NAV2: variants seen among roughly 807,000 people sequenced by gnomAD.
NAV2 encodes the protein helicase, APC down-regulated 1.
In NAV2, 54 loss-of-function variants were observed where a neutral mutation model predicts 223.2. That is an observed-to-expected ratio of 0.24 (90% CI 0.19 to 0.30). The LOEUF is 0.30. Ranked by LOEUF, NAV2 falls within the 10% of genes least tolerant of loss-of-function variation. The pLI, the probability that NAV2 is intolerant of heterozygous loss-of-function variation, is 1.00. For missense variants in NAV2, 2,806 were observed against 3,147.5 expected, an observed-to-expected ratio of 0.89 and a Z score of 2.60; for synonymous variants, 1,279 against 1,239.3, an observed-to-expected ratio of 1.03 and a Z score of -0.67.
chr11:19,861,533 A>T (rs190022010), intron 3 of NAV2, among the ~76,000 whole-genome samples: 40 of 152,334 alleles, frequency 2.6e-4, no homozygotes, highest in African/African-American at 9.1e-4. Context: ...GTCTAATGAC[A>T]ACCACCACCC....
rs2133669618 is a variant in NAV2 at position 19,438,399 on chromosome 11, A to T, written c.75+87372A>T. On this transcript the variant is annotated intron_variant, in intron 1 of 37. Transcript: ENST00000360655. ...AGCCCTATTCTCAAATCTTGTCTTT[A>T]GCCCTTGTCACCTGTGCAATCCTGG... Among the ~76,000 whole-genome samples, 3 of 152,348 alleles carry T rather than the reference A, an allele frequency of 2.0e-5. No individual in the cohort carries two copies. In the Middle Eastern group the frequency reaches 0.01, roughly 518 times the overall value.
intron 1 of NAV2, among the ~76,000 whole-genome samples, chr11:19,679,957 A>G (rs1044934716): frequency 4.6e-5 from 7 of 152,240 alleles, no homozygotes; most frequent in African/African-American, 1.7e-4. Context: ...ATTGGGCACA[A>G]GAGAGGCCAG....
intron 3 of NAV2, among the ~76,000 whole-genome samples, chr11:19,868,055 G>T (rs2062204067): frequency 6.6e-6 from 1 of 152,168 alleles, no homozygotes; most frequent in Non-Finnish European, 1.5e-5. Context: ...TGAGTTCATA[G>T]GAATGTTGAC....
intron 1 of NAV2, among the ~76,000 whole-genome samples, chr11:19,520,836 G>A (rs1460610440): frequency 6.6e-6 from 1 of 152,240 alleles, no homozygotes; most frequent in East Asian, 1.9e-4. Flanking sequence ...ACTCACAGGA[G>A]GCAGGGGCGT....
intron 1 of NAV2, among the ~76,000 whole-genome samples, chr11:19,581,737 T>C (rs969092626): frequency 1.3e-5 from 2 of 152,238 alleles, no homozygotes; most frequent in African/African-American, 4.8e-5. Flanking sequence ...GGTGTATATG[T>C]GCCACATTTT....
chr11:19,473,925 G>T (rs184585195), intron 1 of NAV2, among the ~76,000 whole-genome samples: 11 of 152,266 alleles, frequency 7.2e-5, no homozygotes, highest in Admixed American at 4.6e-4. Flanking sequence ...TGACCTCCTT[G>T]GCTGAATTTG....
intron 1 of NAV2, among the ~76,000 whole-genome samples, chr11:19,797,732 C>T (rs929418714): frequency 2.6e-5 from 4 of 152,142 alleles, no homozygotes; most frequent in Admixed American, 1.3e-4. Context: ...TACTCTGCCA[C>T]TCTGTGTGGG....
intron 1 of NAV2, among the ~76,000 whole-genome samples, chr11:19,602,819 C>T (rs1403864597): frequency 1.1e-5 from 1 of 94,268 alleles, no homozygotes; most frequent in Non-Finnish European, 2.1e-5. Context: ...CCACCCTAAT[C>T]TAGGATAATC....
intron 11 of NAV2, chr11:20,027,466 A>G: frequency 4.1e-6 from 4 of 985,440 alleles, no homozygotes; most frequent in Non-Finnish European, 4.8e-6. Flanking sequence ...AAAATTGAGC[A>G]GGTAAGTCCT....
intron 1 of NAV2, among the ~76,000 whole-genome samples, chr11:19,556,705 T>C (rs1028913361): frequency 6.6e-6 from 1 of 152,216 alleles, no homozygotes; most frequent in African/African-American, 2.4e-5. Flanking sequence ...ACTATACCTA[T>C]AAGGTAGTGA....
chr11:19,603,948 A>G (rs1391084371), intron 1 of NAV2, among the ~76,000 whole-genome samples: 2 of 152,036 alleles, frequency 1.3e-5, no homozygotes, highest in African/African-American at 4.8e-5. Flanking sequence ...GGGCAGAGGG[A>G]ATGGCATGTG....
intron 3 of NAV2, among the ~76,000 whole-genome samples, chr11:19,848,676 C>T (rs541276491): frequency 1.6e-4 from 25 of 152,274 alleles, no homozygotes; most frequent in African/African-American, 2.9e-4. Context: ...AGTGCTGGCA[C>T]GTTGCTGGCC....
At chr11:19,569,871 T>A (rs918642554) in intron 1 of NAV2, among the ~76,000 whole-genome samples, 2 of 152,128 alleles carry the variant, frequency 1.3e-5, no homozygotes, top group African/African-American at 4.8e-5. Flanking sequence ...AGTTGCTGCT[T>A]TATAAGGAAG....
In NAV2 at chr11:20,092,290, G is replaced by A; in HGVS notation, c.5737G>A (p.Val1913Met). The change falls in exon 28 of 38, where the codon GTG (valine) becomes ATG (methionine). Residue 1913 changes from valine to methionine, a missense_variant. This residue lies in a region of NAV2 where 824 missense variants were observed against 1,069.4 expected (regional missense o/e 0.77). Transcript: ENST00000349880. ...GSGCSRAPSQVSISASPRQSM... is the reference protein window; with the variant it reads ...GSGCSRAPSQMSISASPRQSM... The stretch of plus-strand genomic sequence containing the variant: ...TGGCTGCAGCCGGGCTCCTTCCCAA[G>A]TGTCCATCTCTGCCTCCCCGAGGCA... 4 of 1,614,128 alleles carry A rather than the reference G, an allele frequency of 2.5e-6. No individual in the cohort carries two copies. The highest frequency in any genetic ancestry group is 3.4e-6 in the Non-Finnish European group (4 of 1,180,024).
chr11:19,901,316 G>T lies in NAV2; in HGVS notation c.931+8722G>T, dbSNP rs543552715. ...AATCCCAGCACTTTGGGAGGCTGAG[G>T]CAGGAGGATTACTTGAGGTCTGGAG... On this transcript the variant is annotated intron_variant, in intron 6 of 37. Transcript: ENST00000349880. Among the ~76,000 whole-genome samples the T allele has an allele frequency of 4.6e-5, 7 of 152,216 alleles. No homozygotes were observed. In the South Asian group the frequency reaches 1.4e-3, roughly 32 times the overall value.
intron 26 of NAV2, among the ~76,000 whole-genome samples, chr11:20,087,545 G>A (rs758009275): frequency 2.6e-5 from 4 of 152,154 alleles, no homozygotes; most frequent in African/African-American, 7.2e-5. Flanking sequence ...GTAAGGCAAC[G>A]TTTTCCCACA....
At chr11:20,106,761 GCCT>G (rs2062156590) in intron 35 of NAV2, among the ~76,000 whole-genome samples, 1 of 150,898 alleles carries the variant, frequency 6.6e-6, no homozygotes, top group Non-Finnish European at 1.5e-5. Flanking sequence ...TCCTGCCTTG[GCCT>G]CCCAAGTAGC....
At chr11:19,733,958 C>T (rs115379170) in intron 1 of NAV2, among the ~76,000 whole-genome samples, 3 of 152,240 alleles carry the variant, frequency 2.0e-5, no homozygotes, top group African/African-American at 7.2e-5. Flanking sequence ...TTGTTTAATG[C>T]TCACAACAAT....
At chr11:19,831,370 A>G (rs182129586) in intron 1 of NAV2, among the ~76,000 whole-genome samples, 22 of 152,058 alleles carry the variant, frequency 1.4e-4, no homozygotes, top group Non-Finnish European at 2.8e-4. Context: ...GAGCAGGCCT[A>G]CTGGTTGAGG....
Sources: allele counts gnomAD v4.1 joint callset (sites outside exome capture counted in the v4.1 genomes callset), GRCh38; gene constraint gnomAD v4.1.1; regional missense constraint gnomAD v4.1.1; transcripts MANE v1.5; gene names NCBI Gene and HGNC (gene_info 2026-07-23, HGNC 2026-07-21).